Variants in KCNN2 observed in about 807,000 individuals in gnomAD.
KCNN2 encodes the protein potassium calcium-activated channel subfamily N member 2.
Under a neutral mutation model 55.5 loss-of-function variants are expected in KCNN2, and 24 were observed. The ratio of observed to expected loss-of-function variants is 0.43; its 90% CI spans 0.31 to 0.61. KCNN2 has a LOEUF of 0.61. Ranked by LOEUF, KCNN2 falls within the 20% of genes least tolerant of loss-of-function variation. The pLI, the probability that KCNN2 is intolerant of heterozygous loss-of-function variation, is 0.08. For missense variants in KCNN2, 754 were observed against 853.6 expected (o/e 0.88, Z 1.45); for synonymous variants, 431 against 336.1 (o/e 1.28, Z -3.09).
intron 4 of KCNN2, among the ~76,000 whole-genome samples, chr5:114,466,452 A>C (rs2150118669): frequency 7.0e-6 from 1 of 143,166 alleles, no homozygotes; most frequent in South Asian, 2.4e-4. Context: ...TAGCATTTAC[A>C]AAGTTATTTT....
intron 2 of KCNN2, among the ~76,000 whole-genome samples, chr5:114,263,733 A>T (rs1048478891): frequency 6.6e-6 from 1 of 152,170 alleles, no homozygotes; most frequent in African/African-American, 2.4e-5. Context: ...GAGTGATTCC[A>T]TTAGCTAAAA....
Position 114,240,427 on chromosome 5 carries a change from C to CT in KCNN2, c.-185+18883dup, listed in dbSNP as rs201223682. Among the ~76,000 whole-genome samples, 97 of 130,414 alleles carry CT rather than the reference C, an allele frequency of 7.4e-4. 1 individual carries two copies. Among genetic ancestry groups the CT allele is most frequent in the African/African-American group, 1.2e-3 (42 of 35,476 alleles). 85.6% of individuals were successfully genotyped at this position (130,414 alleles called of 152,430 possible). A position where few individuals can be genotyped will look rare whatever the true frequency, so the allele number is the denominator to read the frequency against. On this transcript the variant is annotated intron_variant, in intron 2 of 10. Coordinates refer to the KCNN2 transcript ENST00000512097. ...AAGCTCAAATTATATTTTTCTTTCT[C>CT]TTTTTTTTTTTTTTTTTTTTTGAGA...
At chr5:114,126,284 C>G (rs559192578) in intron 1 of KCNN2, among the ~76,000 whole-genome samples, 1 of 152,248 alleles carries the variant, frequency 6.6e-6, no homozygotes, top group South Asian at 2.1e-4. Flanking sequence ...TAAAGACACA[C>G]TCAAGACTGG....
chr5:114,152,152 A>G (rs1266220143), intron 1 of KCNN2, among the ~76,000 whole-genome samples: 1 of 152,116 alleles, frequency 6.6e-6, no homozygotes, highest in Non-Finnish European at 1.5e-5. Flanking sequence ...TATAGTTCCA[A>G]TTACCATTTT....
intron 2 of KCNN2, among the ~76,000 whole-genome samples, chr5:114,369,973 G>A (rs1393510556): frequency 1.3e-5 from 2 of 152,120 alleles, no homozygotes; most frequent in Non-Finnish European, 2.9e-5. Flanking sequence ...TAACTTCAGA[G>A]AAGTTATATT....
chr5:114,170,581 A>T (rs2112542290), intron 1 of KCNN2, among the ~76,000 whole-genome samples: 1 of 152,118 alleles, frequency 6.6e-6, no homozygotes, highest in East Asian at 1.9e-4. Context: ...GTTTTCCTGC[A>T]CACAGTAAAC....
intron 3 of KCNN2, among the ~76,000 whole-genome samples, chr5:114,442,725 T>C (rs1760262932): frequency 6.6e-6 from 1 of 152,088 alleles, no homozygotes; most frequent in Non-Finnish European, 1.5e-5. Flanking sequence ...TGTGCACCAG[T>C]AACAGCAGTG....
chr5:114,450,028 C>T (rs2150103044), intron 3 of KCNN2, among the ~76,000 whole-genome samples: 1 of 152,302 alleles, frequency 6.6e-6, no homozygotes, highest in South Asian at 2.1e-4. Context: ...ACTGATCTGG[C>T]TGAACTCTGC....
intron 1 of KCNN2, among the ~76,000 whole-genome samples, chr5:114,136,661 A>G (rs912610259): frequency 6.6e-6 from 1 of 152,206 alleles, no homozygotes; most frequent in Non-Finnish European, 1.5e-5. Flanking sequence ...AATTGAAAAC[A>G]GAAATGGCAT....
intron 1 of KCNN2, among the ~76,000 whole-genome samples, chr5:114,080,752 T>G (rs1750796161): frequency 6.6e-6 from 1 of 152,040 alleles, no homozygotes; most frequent in South Asian, 2.1e-4. Flanking sequence ...GACTAAAAGC[T>G]TTTCCCTTAT....
rs542119417 is a variant in KCNN2, at chr5:114,104,881, A to G, written c.-271+48381A>G. ...GGCAGGGTTCATTGCAAGCTCTTGA[A>G]GATAAAGAGAGAGGATTGTGCTCAG... On this transcript the variant is annotated intron_variant, in intron 1 of 10. Transcript: ENST00000512097. 3.9e-5 allele frequency among the ~76,000 whole-genome samples: 6 copies of G among 152,014 alleles called. No homozygotes were observed. In the East Asian group the frequency reaches 1.2e-3, roughly 30 times the overall value.
intron 7 of KCNN2, among the ~76,000 whole-genome samples, chr5:114,495,390 G>T (rs374022534): frequency 1.3e-5 from 2 of 152,248 alleles, no homozygotes. Flanking sequence ...TATCAAACCA[G>T]TTAATCCTAA....
At chr5:114,322,143 A>G (rs947229630) in intron 2 of KCNN2, among the ~76,000 whole-genome samples, 5 of 152,168 alleles carry the variant, frequency 3.3e-5, no homozygotes, top group African/African-American at 1.2e-4. Flanking sequence ...ACCAGTTTAA[A>G]TTTTCCATTT....
At chr5:114,198,803 A>G (rs887236430) in intron 1 of KCNN2, among the ~76,000 whole-genome samples, 4 of 151,958 alleles carry the variant, frequency 2.6e-5, no homozygotes, top group South Asian at 4.1e-4. Context: ...ACTTGATATG[A>G]TTTTGATTTA....
intron 1 of KCNN2, among the ~76,000 whole-genome samples, chr5:114,188,112 C>T (rs896703005): frequency 9.2e-5 from 14 of 152,274 alleles, no homozygotes; most frequent in African/African-American, 2.6e-4. Flanking sequence ...TGAGCCCGGC[C>T]GTCTCTGGCT....
intron 1 of KCNN2, among the ~76,000 whole-genome samples, chr5:114,202,865 C>T (rs1401535201): frequency 2.0e-5 from 3 of 152,080 alleles, no homozygotes; most frequent in African/African-American, 4.8e-5. Flanking sequence ...GGATTACAGG[C>T]GTGAGCCACC....
intron 1 of KCNN2, among the ~76,000 whole-genome samples, chr5:114,118,769 A>G (rs1751770888): frequency 6.6e-6 from 1 of 152,162 alleles, no homozygotes; most frequent in Non-Finnish European, 1.5e-5. Flanking sequence ...ACATATACCT[A>G]CTGGATGCCT....
chr5:114,486,809 A>T lies in KCNN2; in HGVS notation c.1891-241A>T, dbSNP rs1019841040. On this transcript the variant is annotated intron_variant, in intron 5 of 7. Coordinates refer to ENST00000673685, the MANE Select transcript of KCNN2 (RefSeq NM_021614.4). ...AAAAGAAGTTTCCTGAAGGAGTAAG[A>T]TAGAATTTACCACAGAAAGAAAGTG... 7 of 1,340,512 alleles carry T rather than the reference A, an allele frequency of 5.2e-6. No homozygotes were observed. The Admixed American group carries it at 7.2e-5, about 14-fold the overall frequency. 83.0% of individuals were successfully genotyped at this position (1,340,512 alleles called of 1,614,324 possible).
At chr5:114,437,031 GTGTGTGTGTT>G (rs1405286789) in intron 3 of KCNN2, among the ~76,000 whole-genome samples, 1 of 151,900 alleles carries the variant, frequency 6.6e-6, no homozygotes, top group African/African-American at 2.4e-5. Flanking sequence ...TCTATAAAAT[GTGTGTGTGTT>G]TGTGTGTGTG....
Sources: allele counts gnomAD v4.1 joint callset (sites outside exome capture counted in the v4.1 genomes callset), GRCh38; gene constraint gnomAD v4.1.1; transcripts MANE v1.5; gene names NCBI Gene and HGNC (gene_info 2026-07-23, HGNC 2026-07-21).